RREB1: variants seen among roughly 807,000 people sequenced by gnomAD.
RREB1 encodes the protein ras responsive element binding protein 1, also known as ras-responsive element-binding protein 1.
A neutral mutation model predicts 117.8 loss-of-function variants in RREB1; 27 were observed. That is an observed-to-expected ratio of 0.23 (90% CI 0.17 to 0.32). The LOEUF (loss-of-function observed/expected upper bound fraction) is 0.32, where lower values mean the gene tolerates loss of function less well. Among genes scored for constraint, RREB1 ranks in the 10% least tolerant of loss-of-function variants. The probability of loss-of-function intolerance (pLI) is 1.00; values close to 1 mark genes in which losing one functional copy is unlikely to be tolerated. For synonymous variants in RREB1, 1,298 were observed against 1,026.7 expected, an observed-to-expected ratio of 1.26 and a Z score of -5.05; for missense variants, 2,577 against 2,378.2, an observed-to-expected ratio of 1.08 and a Z score of -1.74.
Position 7,231,101 on chromosome 6 carries a change from C to T in RREB1, c.3002C>T (p.Pro1001Leu), listed in dbSNP as rs760720491. The T allele has an allele frequency of 1.2e-5, 19 of 1,612,944 alleles. No homozygotes were observed. Among genetic ancestry groups the T allele is most frequent in the African/African-American group, 6.7e-5 (5 of 74,918 alleles). Reference sequence around the variant, plus strand: ...ATGGCCCCTGCTCCGGCGGCCACCCCGGAACCCCCAGCACAGCCCCTGCAG... The same window carrying T: ...ATGGCCCCTGCTCCGGCGGCCACCCTGGAACCCCCAGCACAGCCCCTGCAG... ...SPMAPAPAAT[P>L]EPPAQPLQGP... is the part of the protein sequence containing the mutation. Residue 1001 changes from proline (P) to leucine (L), a missense_variant, in exon 10 of 13, where the codon CCG (proline) becomes CTG (leucine). Coordinates refer to ENST00000379938, the MANE Select transcript of RREB1 (RefSeq NM_001003699.4).
In RREB1 at chr6:7,181,130, C is replaced by T. The variant is rs978882695; in HGVS notation, c.-159C>T. Reference sequence around the variant, plus strand: ...GCCTTTGCTTCCCTTCCAGTGTCAACGAGTACTACCAAGAGAAGAAGACAA... The same window carrying T: ...GCCTTTGCTTCCCTTCCAGTGTCAATGAGTACTACCAAGAGAAGAAGACAA... On this transcript the variant is annotated 5_prime_UTR_variant, in exon 3 of 13. The change creates a new upstream start codon in the 5' untranslated region. Coordinates refer to ENST00000379938, the MANE Select transcript of RREB1 (RefSeq NM_001003699.4). 3 of 398,406 alleles carry T rather than the reference C, an allele frequency of 7.5e-6. No homozygotes were observed. The highest frequency in any genetic ancestry group is 1.3e-4 in the South Asian group (1 of 7,848). The allele number at this position is 398,406 out of a possible 1,614,324, so 24.7% of individuals were successfully genotyped here. A position where few individuals can be genotyped will look rare whatever the true frequency, so the allele number is the denominator to read the frequency against.
chr6:7,232,031 C>G (rs924783264), intron 10 of RREB1, 124 bp downstream of exon 10: 2 of 1,014,878 alleles, frequency 2.0e-6, no homozygotes, highest in Non-Finnish European at 1.4e-6. Context: ...GCTTCTTCCC[C>G]GGTCTCCGAA....
chr6:7,193,736 A>G (rs888704300), intron 6 of RREB1, among the ~76,000 whole-genome samples: 1 of 152,222 alleles, frequency 6.6e-6, no homozygotes. Flanking sequence ...CCTGAACATA[A>G]TTGTATGCAA....
At chr6:7,186,273 A>G (rs757355669) in intron 4 of RREB1, among the ~76,000 whole-genome samples, 3 of 152,156 alleles carry the variant, frequency 2.0e-5, no homozygotes, top group Non-Finnish European at 2.9e-5. Flanking sequence ...TGAACTTTCA[A>G]TTCAAGTGCT....
chr6:7,152,749 A>T (rs1231639678), intron 1 of RREB1, among the ~76,000 whole-genome samples: 1 of 152,206 alleles, frequency 6.6e-6, no homozygotes, highest in Admixed American at 6.5e-5. Flanking sequence ...AGCAGAAGTC[A>T]CTGAGCTCCT....
intron 1 of RREB1, among the ~76,000 whole-genome samples, chr6:7,110,783 C>CT (rs1761102830): frequency 6.6e-6 from 1 of 152,148 alleles, no homozygotes; most frequent in Admixed American, 6.5e-5. Context: ...TTTAGAATGT[C>CT]TTGTTTTTAA....
intron 8 of RREB1, among the ~76,000 whole-genome samples, chr6:7,225,121 CAAA>C (rs1397335977): frequency 9.8e-5 from 15 of 152,306 alleles, no homozygotes; most frequent in African/African-American, 3.6e-4. Context: ...ACTCTCAACT[CAAA>C]AAAGTTTTCA....
intron 1 of RREB1, among the ~76,000 whole-genome samples, chr6:7,132,794 G>A (rs146214147): frequency 6.7e-6 from 1 of 149,890 alleles, no homozygotes; most frequent in Non-Finnish European, 1.5e-5. Context: ...TAAATACCCC[G>A]TGTCTGGTAT....
chr6:7,162,582 G>A (rs1329425725), intron 1 of RREB1, among the ~76,000 whole-genome samples: 1 of 152,092 alleles, frequency 6.6e-6, no homozygotes, highest in East Asian at 1.9e-4. Flanking sequence ...CTGGCACCTG[G>A]AATGTTAGTA....
chr6:7,133,753 A>G (rs1762245196), intron 1 of RREB1, among the ~76,000 whole-genome samples: 1 of 152,232 alleles, frequency 6.6e-6, no homozygotes, highest in African/African-American at 2.4e-5. Flanking sequence ...CCCAAAGGAA[A>G]AAACATCTAA....
At chr6:7,125,134 T>G (rs1386804224) in intron 1 of RREB1, among the ~76,000 whole-genome samples, 1 of 152,216 alleles carries the variant, frequency 6.6e-6, no homozygotes, top group Non-Finnish European at 1.5e-5. Flanking sequence ...AGAAGGGAGA[T>G]TCAGTGTTTT....
chr6:7,173,019 T>C lies in RREB1; in HGVS notation c.-284-3636T>C, dbSNP rs368543782. The stretch of plus-strand genomic sequence containing the variant: ...TAGTGTCTGATCTCTTAACTAAAAC[T>C]TGTAGCCTGTCGTGGGTTGGCCTGA... On this transcript the variant is annotated intron_variant, in intron 1 of 12. Coordinates refer to ENST00000379938, the MANE Select transcript of RREB1 (RefSeq NM_001003699.4). Among the ~76,000 whole-genome samples the C allele has an allele frequency of 2.2e-4, 33 of 152,268 alleles. No individual in the cohort carries two copies. In the East Asian group the frequency reaches 5.8e-3, roughly 27 times the overall value.
At chr6:7,180,696 T>C (rs1370305780) in intron 2 of RREB1, among the ~76,000 whole-genome samples, 3 of 152,228 alleles carry the variant, frequency 2.0e-5, no homozygotes, top group African/African-American at 7.2e-5. Flanking sequence ...TTCTTTTAGG[T>C]CTGTCCTGAG....
At chr6:7,148,123 T>C (rs1762955653) in intron 1 of RREB1, among the ~76,000 whole-genome samples, 1 of 152,112 alleles carries the variant, frequency 6.6e-6, no homozygotes, top group Admixed American at 6.6e-5. Context: ...GAGAGGTATG[T>C]AAAATAAAGT....
At chr6:7,173,898 C>A (rs1764362871) in intron 1 of RREB1, among the ~76,000 whole-genome samples, 1 of 152,208 alleles carries the variant, frequency 6.6e-6, no homozygotes, top group South Asian at 2.1e-4. Context: ...GACCTGGAGA[C>A]CTGCCCCTTA....
chr6:7,136,891 C>T (rs1762368080), intron 1 of RREB1, among the ~76,000 whole-genome samples: 1 of 152,178 alleles, frequency 6.6e-6, no homozygotes, highest in Admixed American at 6.5e-5. Flanking sequence ...TGCATAGGTT[C>T]ATATCCCCCT....
intron 1 of RREB1, among the ~76,000 whole-genome samples, chr6:7,167,183 C>T (rs895033318): frequency 1.3e-5 from 2 of 152,054 alleles, no homozygotes; most frequent in African/African-American, 4.8e-5. Context: ...GTGAAGCTGA[C>T]CAGGATTGGT....
intron 1 of RREB1, among the ~76,000 whole-genome samples, chr6:7,164,139 TA>T (rs568897962): frequency 3.3e-5 from 5 of 151,306 alleles, no homozygotes; most frequent in African/African-American, 9.7e-5. Flanking sequence ...TCTAGACTCA[TA>T]AAAAAAAAGA....
chr6:7,238,185 T>G (rs1768463468), intron 10 of RREB1, among the ~76,000 whole-genome samples: 1 of 152,358 alleles, frequency 6.6e-6, no homozygotes, highest in African/African-American at 2.4e-5. Context: ...TATTTTTACT[T>G]GAAATTATTA....
Sources: gnomAD v4.1 joint callset for allele counts (sites outside exome capture counted in the v4.1 genomes callset) on GRCh38, gnomAD v4.1.1 for gene constraint, MANE v1.5 for transcripts, NCBI Gene and HGNC (gene_info 2026-07-23, HGNC 2026-07-21) for gene names.